The following DNAAF5 variants were observed in gnomAD, a reference collection of about 807,000 sequenced individuals.
DNAAF5 encodes dynein axonemal assembly factor 5, also known as HEAT repeat containing 2.
A neutral mutation model predicts 75.8 loss-of-function variants in DNAAF5; 64 were observed. The observed-to-expected ratio is 0.84, with a 90% confidence interval of 0.69 to 1.04. DNAAF5 has a LOEUF of 1.04. DNAAF5 is among the 50% of genes least tolerant of loss of function. The pLI is 0.00. For missense variants in DNAAF5, 1,269 were observed against 1,178.5 expected, an observed-to-expected ratio of 1.08 and a Z score of -1.12; for synonymous variants, 657 against 557.2, an observed-to-expected ratio of 1.18 and a Z score of -2.52.
rs1377769635 is a variant in DNAAF5 at position 774,132 on chromosome 7, C to A, written c.2016C>A (p.Ala672=). Residue 672 remains alanine, a synonymous_variant, in exon 10 of 13, where the codon GCC becomes GCA. Coordinates refer to ENST00000297440, the MANE Select transcript of DNAAF5 (RefSeq NM_017802.4). ...GGCATGCGGGGAGGACAGCCGCGGC[C>A]ATCCGCACGGCTGCCGTGTCCTGCC... ...LQWHAGRTAA[A]IRTAAVSCLW... 6.2e-6 allele frequency: 10 copies of A among 1,612,750 alleles called. No individual in the cohort carries two copies. The highest frequency in any genetic ancestry group is 8.5e-6 in the Non-Finnish European group (10 of 1,179,984).
At chr7:756,492 C>G (rs917834149) in intron 5 of DNAAF5, among the ~76,000 whole-genome samples, 1 of 152,132 alleles carries the variant, frequency 6.6e-6, no homozygotes, top group African/African-American at 2.4e-5. Context: ...TCACTGGTGT[C>G]CGATGAGGGG....
chr7:777,600 C>T (rs936709063), intron 11 of DNAAF5, among the ~76,000 whole-genome samples: 2 of 152,152 alleles, frequency 1.3e-5, no homozygotes, highest in African/African-American at 2.4e-5. Context: ...GCCACTCAGG[C>T]GTTCCTGATT....
Position 727,018 on chromosome 7 carries a change from C to T in DNAAF5, c.298C>T (p.Leu100=), listed in dbSNP as rs1583467930. ...CTGCCGCGCGCTGGCAGTGCACCTGCTGGATCTGGGCCTGCGCCGCGCCGC... is the reference window on the plus strand; with the variant it reads ...CTGCCGCGCGCTGGCAGTGCACCTGTTGGATCTGGGCCTGCGCCGCGCCGC... ...EGCRALAVHL[L]DLGLRRAARP... Residue 100 remains leucine (L), a synonymous_variant, in exon 1 of 13, where the codon CTG becomes TTG. Transcript: ENST00000297440. 10 of 1,215,534 alleles carry T rather than the reference C, an allele frequency of 8.2e-6. No individual in the cohort carries two copies. The East Asian group carries it at 3.9e-4, about 47-fold the overall frequency. 75.3% of individuals were successfully genotyped at this position (1,215,534 alleles called of 1,614,324 possible). A position where few individuals can be genotyped will look rare whatever the true frequency, so the allele number is the denominator to read the frequency against.
chr7:770,642 A>C (rs781180583), intron 9 of DNAAF5, 24 bp downstream of exon 9: 7 of 1,607,922 alleles, frequency 4.4e-6, no homozygotes, highest in Non-Finnish European at 5.9e-6. Context: ...CTGCCTCTGC[A>C]CGGCCCCCAG....
chr7:781,845 TTGTC>T (rs1338683597), intron 12 of DNAAF5, among the ~76,000 whole-genome samples: 1 of 152,242 alleles, frequency 6.6e-6, no homozygotes, highest in African/African-American at 2.4e-5. Context: ...GATTATTAGA[TTGTC>T]TGCTATTGAG....
chr7:739,614 C>T (rs1183910614), intron 2 of DNAAF5, among the ~76,000 whole-genome samples: 2 of 152,228 alleles, frequency 1.3e-5, no homozygotes, highest in Non-Finnish European at 1.5e-5. Flanking sequence ...CGCCTGTGCG[C>T]ACCGCACGGG....
intron 2 of DNAAF5, among the ~76,000 whole-genome samples, chr7:733,234 T>C (rs1008935846): frequency 2.0e-5 from 3 of 152,214 alleles, no homozygotes; most frequent in Non-Finnish European, 4.4e-5. Flanking sequence ...GTTTTTTGTT[T>C]GTTTTTGTCT....
At chr7:782,491 G>A (rs1386534391) in intron 12 of DNAAF5, among the ~76,000 whole-genome samples, 1 of 140,778 alleles carries the variant, frequency 7.1e-6, no homozygotes, top group Non-Finnish European at 1.5e-5. Context: ...GGATCTTCCC[G>A]GCGTGGCCGC....
chr7:742,319 C>A (rs1467579389), intron 4 of DNAAF5, among the ~76,000 whole-genome samples: 1 of 152,110 alleles, frequency 6.6e-6, no homozygotes, highest in Non-Finnish European at 1.5e-5. Flanking sequence ...AAATCAGATG[C>A]CCAGCTCAAA....
chr7:761,026 C>T (rs1017922818), intron 6 of DNAAF5, among the ~76,000 whole-genome samples: 13 of 152,172 alleles, frequency 8.5e-5, no homozygotes, highest in African/African-American at 1.2e-4. Flanking sequence ...CTTTGGAGGG[C>T]GGGGAGAACT....
At position 774,122 on chromosome 7, in the gene DNAAF5, C is replaced by T. The variant is rs141955563; in HGVS notation, c.2006C>T (p.Thr669Ile). Residue 669 changes from threonine (T) to isoleucine (I), a missense_variant, in exon 10 of 13, where the codon ACA (threonine) becomes ATA (isoleucine). Transcript: ENST00000297440. ...APNLQWHAGR[T>I]AAAIRTAAVS... is the part of the protein sequence containing the mutation. ...AATCTGCAGTGGCATGCGGGGAGGA[C>T]AGCCGCGGCCATCCGCACGGCTGCC... The T allele has an allele frequency of 6.0e-5, 96 of 1,613,194 alleles. No homozygotes were observed. In the African/African-American group the frequency reaches 9.9e-4, roughly 17 times the overall value.
chr7:780,949 CTG>C (rs1778921230), intron 12 of DNAAF5, among the ~76,000 whole-genome samples: 1 of 148,436 alleles, frequency 6.7e-6, no homozygotes, highest in Non-Finnish European at 1.5e-5. Context: ...ATGTGTGATA[CTG>C]TGATACAGGC....
chr7:784,018 GCCCCCACCTCCCCCACCT>G (rs71985095), intron 12 of DNAAF5, among the ~76,000 whole-genome samples: 1 of 145,516 alleles, frequency 6.9e-6, no homozygotes, highest in Non-Finnish European at 1.5e-5. Flanking sequence ...CCTGTACGCC[GCCCCCACCTCCCCCACCT>G]CCCCCACCGC....
At chr7:740,300 C>T (rs1193279645) in intron 2 of DNAAF5, among the ~76,000 whole-genome samples, 1 of 152,238 alleles carries the variant, frequency 6.6e-6, no homozygotes, top group Non-Finnish European at 1.5e-5. Context: ...TTCAGACACC[C>T]AGCAGCAGAA....
At chr7:757,428 G>C (rs551097169) in intron 6 of DNAAF5, among the ~76,000 whole-genome samples, 2 of 152,212 alleles carry the variant, frequency 1.3e-5, no homozygotes, top group Non-Finnish European at 2.9e-5. Context: ...GAGCGTGGTC[G>C]CACGTCCACC....
At position 775,060 on chromosome 7, in the gene DNAAF5, G is replaced by T. The variant is rs774637548; in HGVS notation, c.2137G>T (p.Asp713Tyr). ...MPQVLTTLEEDSKMTRLISCR... is the reference protein window; with the variant it reads ...MPQVLTTLEEYSKMTRLISCR... ...CCAGGTCCTGACCACCCTGGAGGAG[G>T]ATTCGAAGATGACGCGACTGATCTC... is the stretch of plus-strand genomic sequence containing the variant. Residue 713 changes from aspartate (D) to tyrosine (Y), a missense_variant, in exon 11 of 13, where the codon GAT becomes TAT. Asp to Tyr is a radical substitution (Grantham distance 160). Coordinates refer to ENST00000297440, the MANE Select transcript of DNAAF5 (RefSeq NM_017802.4). The T allele has an allele frequency of 6.2e-7, 1 of 1,614,052 alleles. No individual in the cohort carries two copies. The highest frequency in any genetic ancestry group is 8.5e-7 in the Non-Finnish European group (1 of 1,180,002).
At chr7:756,688 A>T in intron 5 of DNAAF5, 94 bp from the exon 6 acceptor site, 1 of 1,106,550 alleles carries the variant, frequency 9.0e-7, no homozygotes, top group South Asian at 1.3e-5. Context: ...TGTCTGGTGC[A>T]CGGCTGTGTC....
At chr7:784,309 A>G (rs1263750159) in intron 12 of DNAAF5, among the ~76,000 whole-genome samples, 1 of 152,068 alleles carries the variant, frequency 6.6e-6, no homozygotes, top group African/African-American at 2.4e-5. Context: ...CCTCAGCTCC[A>G]CACACAAGTG....
intron 2 of DNAAF5, among the ~76,000 whole-genome samples, chr7:739,710 T>C (rs1356268455): frequency 1.3e-5 from 2 of 152,194 alleles, no homozygotes; most frequent in Non-Finnish European, 2.9e-5. Context: ...TGTCAGTCAT[T>C]CTTTCCCATC....
Sources: gnomAD v4.1 joint callset for allele counts (sites outside exome capture counted in the v4.1 genomes callset) on GRCh38, gnomAD v4.1.1 for gene constraint, MANE v1.5 for transcripts, NCBI Gene and HGNC (gene_info 2026-07-23, HGNC 2026-07-21) for gene names.